CPA6: variants seen among roughly 807,000 people sequenced by gnomAD.
CPA6 encodes the protein carboxypeptidase A6.
In CPA6, 58 loss-of-function variants were observed where a neutral mutation model predicts 63.3. The observed-to-expected ratio is 0.92, with a 90% CI of 0.74 to 1.14. The LOEUF is 1.14. Among genes scored for constraint, CPA6 ranks in the 50% most tolerant of loss-of-function variants. The pLI is 0.00. For synonymous variants in CPA6, 185 were observed against 179.0 expected (o/e 1.03, Z -0.27); for missense variants, 565 against 526.6 (o/e 1.07, Z -0.71).
chr8:67,578,138 G>T (rs1376454854), intron 2 of CPA6, among the ~76,000 whole-genome samples: 5 of 152,174 alleles, frequency 3.3e-5, no homozygotes, highest in Admixed American at 2.0e-4. Context: ...TGGCATGTCA[G>T]ATTTTGCCCC....
At chr8:67,592,877 T>C (rs1814174546) in intron 2 of CPA6, among the ~76,000 whole-genome samples, 1 of 152,166 alleles carries the variant, frequency 6.6e-6, no homozygotes, top group South Asian at 2.1e-4. Context: ...TTTGTGTCTC[T>C]ATTTCCTTCA....
At chr8:67,619,629 C>T (rs1172838494) in intron 2 of CPA6, among the ~76,000 whole-genome samples, 1 of 152,208 alleles carries the variant, frequency 6.6e-6, no homozygotes, top group Non-Finnish European at 1.5e-5. Context: ...TGGCACTGGA[C>T]CTTTCTGCCC....
chr8:67,712,864 A>C (rs1817291257), intron 1 of CPA6, among the ~76,000 whole-genome samples: 1 of 151,522 alleles, frequency 6.6e-6, no homozygotes. Context: ...CACACTGTAC[A>C]CGGACCCGCC....
chr8:67,694,394 AC>A (rs1276523154), intron 1 of CPA6, among the ~76,000 whole-genome samples: 1 of 152,242 alleles, frequency 6.6e-6, no homozygotes, highest in African/African-American at 2.4e-5. Context: ...CTTAGCAGAC[AC>A]TGAACGTTGC....
intron 1 of CPA6, among the ~76,000 whole-genome samples, chr8:67,708,625 T>C (rs2128999950): frequency 6.6e-6 from 1 of 152,206 alleles, no homozygotes; most frequent in Middle Eastern, 3.4e-3. Context: ...AGAGGTGAAA[T>C]CTTGCCTGTG....
At chr8:67,608,062 G>A (rs1814711998) in intron 2 of CPA6, among the ~76,000 whole-genome samples, 1 of 152,168 alleles carries the variant, frequency 6.6e-6, no homozygotes, top group African/African-American at 2.4e-5. Context: ...TATCCAGGCT[G>A]CAGAAGAGGA....
intron 1 of CPA6, among the ~76,000 whole-genome samples, chr8:67,640,597 G>A (rs1423037130): frequency 6.6e-6 from 1 of 151,316 alleles, no homozygotes; most frequent in Non-Finnish European, 1.5e-5. Flanking sequence ...GCCTGGGAGG[G>A]TAGGGGTCCT....
chr8:67,506,985 T>C (rs1811943567), intron 5 of CPA6, 97 bp from the exon 6 acceptor site: 5 of 875,402 alleles, frequency 5.7e-6, no homozygotes, highest in Non-Finnish European at 1.9e-6. Flanking sequence ...CACTGTAGTG[T>C]GGTTCATTAG....
intron 8 of CPA6, among the ~76,000 whole-genome samples, chr8:67,477,247 A>G (rs6994135): frequency 0.38 from 54,022 of 142,270 alleles, 10,409 homozygotes; most frequent in Middle Eastern, 0.48. Context: ...CTGAGATTGC[A>G]CCACTGCACT....
At chr8:67,568,870 C>T (rs181400870) in intron 2 of CPA6, among the ~76,000 whole-genome samples, 4 of 152,292 alleles carry the variant, frequency 2.6e-5, no homozygotes, top group East Asian at 3.9e-4. Flanking sequence ...ACTGCCTCGG[C>T]CTCCCTAGTG....
At chr8:67,646,780 G>C (rs1815723331) in intron 1 of CPA6, among the ~76,000 whole-genome samples, 1 of 152,094 alleles carries the variant, frequency 6.6e-6, no homozygotes, top group African/African-American at 2.4e-5. Context: ...GAGGGCTCCA[G>C]GCAAAGGAAA....
intron 10 of CPA6, among the ~76,000 whole-genome samples, chr8:67,425,453 C>A (rs1049150489): frequency 2.6e-5 from 4 of 152,186 alleles, no homozygotes; most frequent in Non-Finnish European, 5.9e-5. Context: ...TGACTCACTG[C>A]AACCTCTGTC....
intron 2 of CPA6, among the ~76,000 whole-genome samples, chr8:67,556,770 T>A (rs1309912309): frequency 2.0e-5 from 3 of 152,246 alleles, no homozygotes; most frequent in Non-Finnish European, 4.4e-5. Flanking sequence ...AATGTCAAGA[T>A]CCTCTTGCTT....
rs537412573 is a variant in CPA6, at chr8:67,662,484, G to T, written c.117-38233C>A. On this transcript the variant is annotated intron_variant, in intron 1 of 10. Transcript: ENST00000297770. ...ACATACACACGTATATGTATATATA[G>T]AATACATACACATGTATATGTATAT... is the stretch of plus-strand genomic sequence containing the variant. Among the ~76,000 whole-genome samples, 182 of 145,754 alleles carry T rather than the reference G, an allele frequency of 1.2e-3. 1 individual carries two copies. Among genetic ancestry groups the T allele is most frequent in the Non-Finnish European group, 2.4e-3 (159 of 65,920 alleles).
At chr8:67,669,832 G>A (rs763668898) in intron 1 of CPA6, among the ~76,000 whole-genome samples, 1 of 151,280 alleles carries the variant, frequency 6.6e-6, no homozygotes, top group Non-Finnish European at 1.5e-5. Flanking sequence ...GAGCATCTGG[G>A]AGCCACGGGA....
intron 2 of CPA6, among the ~76,000 whole-genome samples, chr8:67,622,401 T>A (rs556613828): frequency 6.6e-6 from 1 of 152,300 alleles, no homozygotes; most frequent in African/African-American, 2.4e-5. Context: ...TAGAAGCAGA[T>A]TCCTGCTAGA....
intron 9 of CPA6, among the ~76,000 whole-genome samples, chr8:67,429,978 C>T (rs959937250): frequency 3.3e-5 from 5 of 151,886 alleles, no homozygotes; most frequent in Non-Finnish European, 5.9e-5. Flanking sequence ...TCATTTTTTC[C>T]AAGAATTATT....
chr8:67,529,894 T>C (rs1178314345), intron 2 of CPA6, among the ~76,000 whole-genome samples: 2 of 152,110 alleles, frequency 1.3e-5, no homozygotes, highest in Admixed American at 1.3e-4. Flanking sequence ...ACTCTTACTA[T>C]GAATGGGCAG....
chr8:67,590,205 C>T (rs532564282), intron 2 of CPA6, among the ~76,000 whole-genome samples: 135 of 152,184 alleles, frequency 8.9e-4, no homozygotes, highest in African/African-American at 3.0e-3. Context: ...CATGTCCCTA[C>T]AAAGGACATG....
Sources: allele counts gnomAD v4.1 joint callset (sites outside exome capture counted in the v4.1 genomes callset), GRCh38; gene constraint gnomAD v4.1.1; transcripts MANE v1.5; gene names NCBI Gene and HGNC (gene_info 2026-07-23, HGNC 2026-07-21).